The following RIMS2 variants were observed in gnomAD, a reference collection of about 807,000 sequenced individuals.
The protein encoded by RIMS2 is regulating synaptic membrane exocytosis protein 2.
A neutral mutation model predicts 174.4 loss-of-function variants in RIMS2; 59 were observed. That is an observed-to-expected ratio of 0.34 (90% CI 0.27 to 0.42). The LOEUF is 0.42. Ranked by LOEUF, RIMS2 falls within the 10% of genes least tolerant of loss-of-function variation. RIMS2 has a pLI of 1.00. For missense variants in RIMS2, 1,620 were observed against 1,666.3 expected, an observed-to-expected ratio of 0.97 and a Z score of 0.48; for synonymous variants, 606 against 572.5, an observed-to-expected ratio of 1.06 and a Z score of -0.84.
chr8:104,152,249 A>G (rs1214769731), intron 19 of RIMS2, among the ~76,000 whole-genome samples: 3 of 152,148 alleles, frequency 2.0e-5, no homozygotes, highest in Non-Finnish European at 4.4e-5. Flanking sequence ...AAATGATAAA[A>G]TCTCTTTGTC....
intron 3 of RIMS2, among the ~76,000 whole-genome samples, chr8:103,802,305 CA>C (rs1395426802): frequency 6.6e-6 from 1 of 152,096 alleles, no homozygotes; most frequent in African/African-American, 2.4e-5. Context: ...AATCCTTTTT[CA>C]CAGATATTTT....
intron 19 of RIMS2, among the ~76,000 whole-genome samples, chr8:104,060,920 C>T (rs2096973481): frequency 6.6e-6 from 1 of 152,056 alleles, no homozygotes. Context: ...TTTGATTGCA[C>T]TGTGGTCTGA....
At chr8:104,009,995 T>A (rs906755979) in intron 17 of RIMS2, among the ~76,000 whole-genome samples, 32 of 151,570 alleles carry the variant, frequency 2.1e-4, no homozygotes, top group African/African-American at 7.2e-4. Context: ...GATAGATGGA[T>A]GGATGGATGG....
intron 1 of RIMS2, among the ~76,000 whole-genome samples, chr8:103,690,609 C>T (rs1271280291): frequency 2.0e-5 from 3 of 152,120 alleles, no homozygotes; most frequent in African/African-American, 7.2e-5. Flanking sequence ...CCTTTACTCA[C>T]CTGCTTGTTA....
At chr8:103,889,997 C>T (rs1331554952) in intron 4 of RIMS2, among the ~76,000 whole-genome samples, 1 of 151,864 alleles carries the variant, frequency 6.6e-6, no homozygotes, top group East Asian at 1.9e-4. Flanking sequence ...GTTTCTTTAC[C>T]TATAAATCTG....
intron 16 of RIMS2, among the ~76,000 whole-genome samples, chr8:103,985,192 G>A (rs923719463): frequency 6.6e-6 from 1 of 151,718 alleles, no homozygotes. Flanking sequence ...GAGTATAATC[G>A]GGGCCAGGCA....
chr8:103,974,513 T>G (rs1408114136), intron 15 of RIMS2, among the ~76,000 whole-genome samples: 1 of 152,210 alleles, frequency 6.6e-6, no homozygotes, highest in Non-Finnish European at 1.5e-5. Flanking sequence ...CTTTTCCTGC[T>G]CATTTCCCCA....
intron 1 of RIMS2, among the ~76,000 whole-genome samples, chr8:103,674,065 C>A (rs1381865146): frequency 6.6e-6 from 1 of 152,194 alleles, no homozygotes. Flanking sequence ...CAGAATGCAG[C>A]TAAACTTTTT....
intron 19 of RIMS2, among the ~76,000 whole-genome samples, chr8:104,023,686 G>T (rs930503534): frequency 6.6e-6 from 1 of 152,084 alleles, no homozygotes; most frequent in African/African-American, 2.4e-5. Flanking sequence ...AATTAAATAT[G>T]GTCTACATTT....
At chr8:104,163,722 C>A (rs930356047) in intron 19 of RIMS2, among the ~76,000 whole-genome samples, 1 of 152,084 alleles carries the variant, frequency 6.6e-6, no homozygotes, top group African/African-American at 2.4e-5. Context: ...AATGTAATTT[C>A]TGTAGCTTTT....
intron 19 of RIMS2, among the ~76,000 whole-genome samples, chr8:104,207,263 G>A (rs1179530646): frequency 6.6e-6 from 1 of 152,190 alleles, no homozygotes; most frequent in African/African-American, 2.4e-5. Context: ...TTGTCCAGCT[G>A]CAGAGCTAGC....
At chr8:104,201,716 G>T (rs984391388) in intron 19 of RIMS2, among the ~76,000 whole-genome samples, 1 of 152,128 alleles carries the variant, frequency 6.6e-6, no homozygotes, top group Non-Finnish European at 1.5e-5. Context: ...ATATAAAAAT[G>T]GGTTCGGGGC....
At chr8:103,808,729 T>C (rs1296858680) in intron 3 of RIMS2, among the ~76,000 whole-genome samples, 1 of 152,198 alleles carries the variant, frequency 6.6e-6, no homozygotes, top group African/African-American at 2.4e-5. Context: ...AATCAACGAC[T>C]AAGTCCTGTT....
chr8:104,165,331 G>T (rs1462659676), intron 19 of RIMS2, among the ~76,000 whole-genome samples: 1 of 151,984 alleles, frequency 6.6e-6, no homozygotes, highest in Non-Finnish European at 1.5e-5. Flanking sequence ...TCCCTCACAG[G>T]TTTACATACT....
chr8:103,929,386 CT>C (rs2154531308), intron 11 of RIMS2, among the ~76,000 whole-genome samples: 1 of 151,784 alleles, frequency 6.6e-6, no homozygotes, highest in African/African-American at 2.4e-5. Flanking sequence ...GCAACAAGTA[CT>C]TAGTTTAACC....
chr8:103,604,685 T>C (rs913871350), intron 1 of RIMS2, among the ~76,000 whole-genome samples: 9 of 142,756 alleles, frequency 6.3e-5, no homozygotes, highest in African/African-American at 2.1e-4. Flanking sequence ...TGAGCAGTGG[T>C]TTGTAGTTCT....
chr8:104,189,856 T>G (rs1395224869), intron 19 of RIMS2, among the ~76,000 whole-genome samples: 1 of 151,872 alleles, frequency 6.6e-6, no homozygotes, highest in Non-Finnish European at 1.5e-5. Flanking sequence ...GAGATCAAAA[T>G]AGAATATCAG....
chr8:103,964,963 T>A (rs1323307845), intron 15 of RIMS2, among the ~76,000 whole-genome samples: 1 of 152,196 alleles, frequency 6.6e-6, no homozygotes, highest in Non-Finnish European at 1.5e-5. Flanking sequence ...ATCAGTTCAA[T>A]ATATGTATAT....
At chr8:104,084,312 G>C (rs1432846565) in intron 19 of RIMS2, among the ~76,000 whole-genome samples, 2 of 151,614 alleles carry the variant, frequency 1.3e-5, no homozygotes, top group South Asian at 2.1e-4. Flanking sequence ...GTGGTGGCAG[G>C]CACCTGTAAT....
Sources: gnomAD v4.1 joint callset for allele counts (sites outside exome capture counted in the v4.1 genomes callset) on GRCh38, gnomAD v4.1.1 for gene constraint, MANE v1.5 for transcripts, NCBI Gene and HGNC (gene_info 2026-07-23, HGNC 2026-07-21) for gene names.